The following HIVEP3 variants were observed in gnomAD, a reference collection of about 807,000 sequenced individuals.
The protein encoded by HIVEP3 is transcription factor HIVEP3.
A neutral mutation model predicts 152.8 loss-of-function variants in HIVEP3; 49 were observed. The ratio of observed to expected loss-of-function variants is 0.32; its 90% CI spans 0.26 to 0.41. The LOEUF (loss-of-function observed/expected upper bound fraction) is 0.41. Among genes scored for constraint, HIVEP3 ranks in the 10% least tolerant of loss-of-function variants. The pLI is 1.00. For synonymous variants in HIVEP3, 1,269 were observed against 1,289.0 expected, an observed-to-expected ratio of 0.98 and a Z score of 0.33; for missense variants, 2,790 against 3,103.3, an observed-to-expected ratio of 0.90 and a Z score of 2.40.
At chr1:41,865,350 C>T (rs1029967910) in intron 1 of HIVEP3, among the ~76,000 whole-genome samples, 1 of 152,166 alleles carries the variant, frequency 6.6e-6, no homozygotes, top group African/African-American at 2.4e-5. Flanking sequence ...TGCCATTTGC[C>T]ACCTCTGGCG....
Position 41,510,433 on chromosome 1 carries a change from G to A in HIVEP3, c.*18C>T. The stretch of plus-strand genomic sequence containing the variant: ...TGCTGGACACTGGAAGCCAGATGCT[G>A]AAGCAGTTGGAGAGAGGCTAAGCGT... On this transcript the variant is annotated 3_prime_UTR_variant, in exon 9 of 9. Transcript: ENST00000372583. 6.9e-7 allele frequency: 1 copy of A among 1,457,882 alleles called. No individual in the cohort carries two copies. Among genetic ancestry groups the A allele is most frequent in the Non-Finnish European group, 9.1e-7 (1 of 1,102,910 alleles). 90.3% of individuals were successfully genotyped at this position (1,457,882 alleles called of 1,614,324 possible).
At chr1:41,977,916 G>A (rs1327294105) in intron 1 of HIVEP3, among the ~76,000 whole-genome samples, 1 of 152,172 alleles carries the variant, frequency 6.6e-6, no homozygotes, top group Non-Finnish European at 1.5e-5. Flanking sequence ...TGAGGTCTAC[G>A]AACATCATGT....
chr1:41,935,849 T>C (rs1172212145), intron 1 of HIVEP3, among the ~76,000 whole-genome samples: 1 of 151,286 alleles, frequency 6.6e-6, no homozygotes, highest in African/African-American at 2.4e-5. Flanking sequence ...GGAAACATAA[T>C]GTGATATTCT....
chr1:41,657,310 G>A (rs780320769), intron 2 of HIVEP3, among the ~76,000 whole-genome samples: 2 of 152,144 alleles, frequency 1.3e-5, no homozygotes, highest in African/African-American at 4.8e-5. Context: ...TCACATCCTC[G>A]TCTCTGAGCC....
chr1:41,702,101 A>G (rs1646371368), intron 1 of HIVEP3, among the ~76,000 whole-genome samples: 1 of 152,134 alleles, frequency 6.6e-6, no homozygotes, highest in Non-Finnish European at 1.5e-5. Context: ...AGTTGTTACG[A>G]GGAGTAAATG....
intron 3 of HIVEP3, among the ~76,000 whole-genome samples, chr1:41,597,740 C>T (rs916223458): frequency 6.6e-6 from 1 of 152,140 alleles, no homozygotes; most frequent in Non-Finnish European, 1.5e-5. Flanking sequence ...TTTTTAGCAG[C>T]CTTCCTTTCC....
chr1:41,687,229 A>G (rs1158343722), intron 2 of HIVEP3, among the ~76,000 whole-genome samples: 1 of 152,242 alleles, frequency 6.6e-6, no homozygotes, highest in African/African-American at 2.4e-5. Flanking sequence ...CAAGAAAATC[A>G]CTGGGGCTGT....
At chr1:41,907,192 G>T (rs1038929450) in intron 1 of HIVEP3, among the ~76,000 whole-genome samples, 12 of 152,210 alleles carry the variant, frequency 7.9e-5, no homozygotes, top group Non-Finnish European at 1.5e-4. Flanking sequence ...AGGGATAGAG[G>T]TCATTTGTCT....
chr1:41,801,158 A>C (rs1650280404), intron 1 of HIVEP3, among the ~76,000 whole-genome samples: 1 of 152,212 alleles, frequency 6.6e-6, no homozygotes, highest in African/African-American at 2.4e-5. Flanking sequence ...TTTTTGCTGA[A>C]GGACCCTCTG....
intron 1 of HIVEP3, chr1:41,847,641 G>C (rs1446189993): frequency 1.3e-5 from 2 of 152,246 alleles, no homozygotes; most frequent in Admixed American, 6.5e-5. Context: ...AATTATCCTG[G>C]AGTAGGGCAG....
rs560086417 is a variant in HIVEP3, at chr1:41,829,762, C to T, written c.-801+88651G>A. Among the ~76,000 whole-genome samples the T allele has an allele frequency of 1.8e-3, 267 of 151,606 alleles. 1 individual carries two copies. The highest frequency in any genetic ancestry group is 6.2e-3 in the African/African-American group (258 of 41,338). ...GTCCATATAATTTTAGACTTGTTAG[C>T]CTTTTTTAAAAAAAAATGTTGCCTT... On this transcript the variant is annotated intron_variant, in intron 1 of 8. Coordinates refer to ENST00000372583, the MANE Select transcript of HIVEP3 (RefSeq NM_024503.5).
intron 2 of HIVEP3, among the ~76,000 whole-genome samples, chr1:41,632,846 A>G (rs889378596): frequency 6.6e-6 from 1 of 152,206 alleles, no homozygotes; most frequent in African/African-American, 2.4e-5. Context: ...CATGGTGTCC[A>G]CATGGCTGGA....
At chr1:41,790,619 C>A (rs1220159171) in intron 1 of HIVEP3, among the ~76,000 whole-genome samples, 1 of 152,096 alleles carries the variant, frequency 6.6e-6, no homozygotes, top group Non-Finnish European at 1.5e-5. Flanking sequence ...CTTTCTTCTT[C>A]CTCTAAGAGC....
At chr1:41,653,804 C>T (rs1351473913) in intron 2 of HIVEP3, among the ~76,000 whole-genome samples, 1 of 152,136 alleles carries the variant, frequency 6.6e-6, no homozygotes, top group Non-Finnish European at 1.5e-5. Flanking sequence ...CAGTGGCTTT[C>T]AGCCCAAGGG....
At chr1:41,950,180 C>T (rs540009519) in intron 1 of HIVEP3, among the ~76,000 whole-genome samples, 1 of 152,296 alleles carries the variant, frequency 6.6e-6, no homozygotes, top group East Asian at 1.9e-4. Flanking sequence ...CATCTATCGT[C>T]TGAGAGCATA....
At chr1:42,021,980 C>T (rs1645557269) in intron 1 of HIVEP3, among the ~76,000 whole-genome samples, 1 of 152,198 alleles carries the variant, frequency 6.6e-6, no homozygotes, top group Non-Finnish European at 1.5e-5. Context: ...ATGCTCTCTT[C>T]CATGGTGGCT....
chr1:41,571,684 G>A (rs959368020), intron 5 of HIVEP3, among the ~76,000 whole-genome samples: 15 of 152,328 alleles, frequency 9.8e-5, no homozygotes, highest in Admixed American at 6.5e-4. Flanking sequence ...TGGGAGGCTC[G>A]TTAGAGGAGC....
chr1:41,579,658 C>A, intron 4 of HIVEP3, 79 bp downstream of exon 4: 1 of 1,484,278 alleles, frequency 6.7e-7, no homozygotes, highest in Non-Finnish European at 9.0e-7. Flanking sequence ...CAACTGGAAC[C>A]TGAGGATACT....
intron 3 of HIVEP3, among the ~76,000 whole-genome samples, chr1:41,624,931 C>T (rs1029304143): frequency 3.3e-5 from 5 of 152,006 alleles, no homozygotes; most frequent in Non-Finnish European, 2.9e-5. Flanking sequence ...TTTGGGAGGC[C>T]GAGGTGGATG....
Sources: allele counts gnomAD v4.1 joint callset (sites outside exome capture counted in the v4.1 genomes callset), GRCh38; gene constraint gnomAD v4.1.1; transcripts MANE v1.5; gene names NCBI Gene and HGNC (gene_info 2026-07-23, HGNC 2026-07-21).